PCCB: variants seen among roughly 807,000 people sequenced by gnomAD.
PCCB encodes the protein propionyl-CoA carboxylase beta chain, mitochondrial.
In PCCB, 43 loss-of-function variants were observed where a neutral mutation model predicts 60.7. The ratio of observed to expected loss-of-function variants is 0.71; its 90% CI spans 0.55 to 0.91. PCCB has a LOEUF of 0.91. Among genes scored for constraint, PCCB ranks in the 40% least tolerant of loss-of-function variants. The pLI is 0.00. For missense variants in PCCB, 766 were observed against 702.8 expected, an observed-to-expected ratio of 1.09 and a Z score of -1.02; for synonymous variants, 276 against 255.9, an observed-to-expected ratio of 1.08 and a Z score of -0.75.
chr3:136,270,520 G>A (rs75648579), intron 5 of PCCB, among the ~76,000 whole-genome samples: 13 of 150,966 alleles, frequency 8.6e-5, no homozygotes, highest in Admixed American at 1.3e-4. Context: ...TTTTTTTCCC[G>A]CTGTAGGCAG....
At chr3:136,264,564 T>C (rs1941926773) in intron 5 of PCCB, among the ~76,000 whole-genome samples, 1 of 151,584 alleles carries the variant, frequency 6.6e-6, no homozygotes, top group Admixed American at 6.6e-5. Flanking sequence ...TTGTTCTCCA[T>C]GATCTTGATA....
intron 11 of PCCB, 31 bp from the exon 12 acceptor site, chr3:136,327,124 T>G: frequency 6.3e-7 from 1 of 1,592,562 alleles, no homozygotes; most frequent in Non-Finnish European, 8.6e-7. Flanking sequence ...TGAGGACTTG[T>G]GGGTATCTAG....
In PCCB at chr3:136,262,028, G is replaced by C; in HGVS notation, c.506G>C (p.Gly169Ala). 6.4e-7 allele frequency: 1 copy of C among 1,558,798 alleles called. No individual in the cohort carries two copies. The highest frequency in any genetic ancestry group is 8.7e-7 in the Non-Finnish European group (1 of 1,150,044). ...NDSGGARIQE[G>A]VESLAGYADI... ...TCTGGGGGAGCACGGATCCAAGAAG[G>C]AGTGGAGTCTTTGGCTGGCTATGCA... The change falls in exon 5 of 15, where the codon GGA becomes GCA. Residue 169 changes from glycine (G) to alanine (A), a missense_variant. By Grantham distance (60) the Gly-to-Ala change is moderately conservative. Coordinates refer to ENST00000251654, the MANE Select transcript of PCCB (RefSeq NM_000532.5).
chr3:136,284,836 C>T (rs1259003017), intron 6 of PCCB, among the ~76,000 whole-genome samples: 2 of 152,014 alleles, frequency 1.3e-5, no homozygotes, highest in Admixed American at 6.6e-5. Flanking sequence ...GCCTGTAATC[C>T]CAGCACTTGG....
chr3:136,275,367 C>T (rs921126852), intron 5 of PCCB, among the ~76,000 whole-genome samples: 1 of 151,590 alleles, frequency 6.6e-6, no homozygotes, highest in Admixed American at 6.6e-5. Flanking sequence ...TTGGTTTTCA[C>T]CTTTCTATGG....
intron 5 of PCCB, among the ~76,000 whole-genome samples, chr3:136,263,293 A>G (rs1941880794): frequency 8.0e-6 from 1 of 124,260 alleles, no homozygotes; most frequent in Non-Finnish European, 1.7e-5. Context: ...ATTTAGAGAC[A>G]GTGTCTTGGT....
Position 136,304,420 on chromosome 3 carries a change from C to T in PCCB, c.966+3309C>T, listed in dbSNP as rs368800578. ...TTTTTGAGTTGGAGTCTGGCTCTGTCGCCCGGGCTGGAGTGCAGTGGCGTG... is the reference window on the plus strand; with the variant it reads ...TTTTTGAGTTGGAGTCTGGCTCTGTTGCCCGGGCTGGAGTGCAGTGGCGTG... On this transcript the variant is annotated intron_variant, in intron 9 of 14. Transcript: ENST00000251654. 3.5e-4 allele frequency among the ~76,000 whole-genome samples: 41 copies of T among 116,386 alleles called. 16 individuals carry two copies. In the East Asian group the frequency reaches 0.015, roughly 43 times the overall value. The allele number at this position is 116,386 out of a possible 152,430, so 76.4% of individuals were successfully genotyped here. A position where few individuals can be genotyped will look rare whatever the true frequency, so the allele number is the denominator to read the frequency against.
At chr3:136,266,394 G>A (rs1941983867) in intron 5 of PCCB, among the ~76,000 whole-genome samples, 1 of 152,186 alleles carries the variant, frequency 6.6e-6, no homozygotes, top group South Asian at 2.1e-4. Context: ...CTCCCAAAGT[G>A]CTGGGATTAC....
chr3:136,281,803 C>T (rs971546803), intron 5 of PCCB, among the ~76,000 whole-genome samples: 3 of 152,116 alleles, frequency 2.0e-5, no homozygotes, highest in Admixed American at 6.6e-5. Context: ...CTGGGTCCAT[C>T]TGTTTGAACT....
rs986014951 is a variant in PCCB, at chr3:136,278,098, A to T, written c.544-5739A>T. Among the ~76,000 whole-genome samples the T allele has an allele frequency of 2.9e-4, 44 of 152,196 alleles. 1 individual carries two copies. The highest frequency in any genetic ancestry group is 1.0e-3 in the African/African-American group (43 of 41,530). ...TGTGAGGTACAATAAAGAATGGCTT[A>T]CCTTGGTCTGCACTGGAGACTGGGA... On this transcript the variant is annotated intron_variant, in intron 5 of 14. Transcript: ENST00000251654.
intron 10 of PCCB, among the ~76,000 whole-genome samples, chr3:136,319,877 A>G (rs1935049386): frequency 6.6e-6 from 1 of 152,016 alleles, no homozygotes; most frequent in South Asian, 2.1e-4. Flanking sequence ...AGTTAATTTT[A>G]TATGTATTGG....
chr3:136,290,572 G>C (rs981754567), intron 6 of PCCB, among the ~76,000 whole-genome samples: 2 of 150,778 alleles, frequency 1.3e-5, no homozygotes, highest in African/African-American at 4.9e-5. Context: ...TGTTTCCCAG[G>C]CTGGTTCAAA....
chr3:136,327,752 C>A lies in PCCB; in HGVS notation c.1398+20C>A. 1.3e-6 allele frequency: 2 copies of A among 1,585,618 alleles called. No individual in the cohort carries two copies. The highest frequency in any genetic ancestry group is 1.7e-6 in the Non-Finnish European group (2 of 1,154,880). The stretch of plus-strand genomic sequence containing the variant: ...GCAAAGGTGAGGGCCTCTTGCTTTT[C>A]CCTTTCTGGGTCCAAGGACTCGACT... On this transcript the variant is annotated intron_variant, in intron 13 of 14. Coordinates refer to ENST00000251654, the MANE Select transcript of PCCB (RefSeq NM_000532.5).
intron 9 of PCCB, 87 bp downstream of exon 9, chr3:136,301,198 C>T (rs767940101): frequency 2.5e-5 from 26 of 1,027,820 alleles, no homozygotes; most frequent in Non-Finnish European, 4.0e-5. Flanking sequence ...AGCACTGGAC[C>T]ACTTGGCCTC....
At chr3:136,318,521 CAG>C (rs777937317) in intron 10 of PCCB, among the ~76,000 whole-genome samples, 3 of 152,238 alleles carry the variant, frequency 2.0e-5, no homozygotes, top group Non-Finnish European at 4.4e-5. Flanking sequence ...TTCATCTCCT[CAG>C]AGACTGTGAA....
At chr3:136,269,253 C>T (rs1410412156) in intron 5 of PCCB, among the ~76,000 whole-genome samples, 17 of 151,908 alleles carry the variant, frequency 1.1e-4, no homozygotes, top group Non-Finnish European at 4.4e-5. Context: ...AGCAAGACTC[C>T]GTCTCAAAAC....
chr3:136,308,544 G>T (rs562732394), intron 9 of PCCB, among the ~76,000 whole-genome samples: 2 of 152,142 alleles, frequency 1.3e-5, no homozygotes, highest in Non-Finnish European at 2.9e-5. Context: ...CAGGTCAAAT[G>T]GACAAAAGTA....
chr3:136,295,011 AG>A (rs1933869939), intron 7 of PCCB, among the ~76,000 whole-genome samples: 1 of 152,270 alleles, frequency 6.6e-6, no homozygotes, highest in Non-Finnish European at 1.5e-5. Flanking sequence ...TTGTTTAAAC[AG>A]AAAGGCATGG....
intron 5 of PCCB, among the ~76,000 whole-genome samples, chr3:136,265,211 T>C (rs1308602013): frequency 1.3e-5 from 2 of 151,948 alleles, no homozygotes; most frequent in African/African-American, 2.4e-5. Flanking sequence ...AAAGTAGCTT[T>C]ATTGAGATAT....
Sources: allele counts gnomAD v4.1 joint callset (sites outside exome capture counted in the v4.1 genomes callset), GRCh38; gene constraint gnomAD v4.1.1; transcripts MANE v1.5; gene names NCBI Gene and HGNC (gene_info 2026-07-23, HGNC 2026-07-21).